CDK5RAP2: variants seen among roughly 807,000 people sequenced by gnomAD.
CDK5RAP2 encodes the protein CDK5 regulatory subunit-associated protein 2.
A neutral mutation model predicts 232.9 loss-of-function variants in CDK5RAP2; 147 were observed. The observed-to-expected ratio is 0.63, with a 90% CI of 0.55 to 0.72. The LOEUF is 0.72. CDK5RAP2 is among the 30% of genes least tolerant of loss of function. CDK5RAP2 has a pLI of 0.00. For missense variants in CDK5RAP2, 2,195 were observed against 2,231.5 expected, an observed-to-expected ratio of 0.98 and a Z score of 0.33; for synonymous variants, 833 against 833.7, an observed-to-expected ratio of 1.00 and a Z score of 0.01.
chr9:120,446,562 ACT>A (rs2036204412), intron 22 of CDK5RAP2, among the ~76,000 whole-genome samples: 1 of 151,812 alleles, frequency 6.6e-6, no homozygotes, highest in African/African-American at 2.4e-5. Flanking sequence ...TCAAATCACG[ACT>A]CTGCTGCTCA....
At position 120,518,527 on chromosome 9, in the gene CDK5RAP2, A is replaced by G; in HGVS notation, c.1211T>C (p.Ile404Thr). 1 of 1,613,458 alleles carries G rather than the reference A, an allele frequency of 6.2e-7. No individual in the cohort carries two copies. The highest frequency in any genetic ancestry group is 8.5e-7 in the Non-Finnish European group (1 of 1,179,904). ...CTGCAAGTCACTCAGCTCCTGGGTG[A>G]TCTTCTTAATGCTTCTACGCAGTCT... is the stretch of plus-strand genomic sequence containing the variant. ...NHRLRRSIKK[I>T]TQELSDLQQE... is the part of the protein sequence containing the mutation. The change falls in exon 12 of 38, where the codon ATC (isoleucine) becomes ACC (threonine). Residue 404 changes from isoleucine to threonine, a missense_variant. Transcript: ENST00000349780.
Position 120,411,373 on chromosome 9 carries a change from T to C in CDK5RAP2, c.4399A>G (p.Ile1467Val), listed in dbSNP as rs139924571. 118 of 1,595,152 alleles carry C rather than the reference T, an allele frequency of 7.4e-5. No individual in the cohort carries two copies. In the Admixed American group the frequency reaches 1.7e-3, roughly 23 times the overall value. The change falls in exon 29 of 38, where the codon ATT becomes GTT. Residue 1467 changes from isoleucine (I) to valine (V), a missense_variant. Physicochemically the swap from Ile to Val is conservative, Grantham distance 29. Coordinates refer to ENST00000349780, the MANE Select transcript of CDK5RAP2 (RefSeq NM_018249.6). ...KQNQALNAML[I>V]KGSRDKQKEN... ...TAACTCTTACCTCTGGATCCTTTAATGAGCATTGCATTGAGGGCCTGGTTC... is the reference window on the plus strand; with the variant it reads ...TAACTCTTACCTCTGGATCCTTTAACGAGCATTGCATTGAGGGCCTGGTTC...
chr9:120,424,866 A>AT (rs2034794070), intron 25 of CDK5RAP2, among the ~76,000 whole-genome samples: 2 of 151,698 alleles, frequency 1.3e-5, no homozygotes, highest in Non-Finnish European at 2.9e-5. Context: ...CCATCAGCTA[A>AT]TTTTTTTGTA....
chr9:120,397,838 T>C (rs2032653183), intron 35 of CDK5RAP2, among the ~76,000 whole-genome samples: 1 of 152,244 alleles, frequency 6.6e-6, no homozygotes. Context: ...TCAGAGTTCC[T>C]GATTCAGCAG....
intron 15 of CDK5RAP2, among the ~76,000 whole-genome samples, chr9:120,476,399 G>A (rs548979663): frequency 1.3e-5 from 2 of 152,168 alleles, no homozygotes; most frequent in East Asian, 1.9e-4. Context: ...ATCCCACTGT[G>A]TAGAGAGAGG....
intron 22 of CDK5RAP2, among the ~76,000 whole-genome samples, chr9:120,446,450 T>C (rs2036196178): frequency 6.6e-6 from 1 of 152,162 alleles, no homozygotes; most frequent in Non-Finnish European, 1.5e-5. Flanking sequence ...GGTCTCGAAC[T>C]CCTGACCTCA....
At chr9:120,424,859 T>C in intron 25 of CDK5RAP2, among the ~76,000 whole-genome samples, 1 of 151,862 alleles carries the variant, frequency 6.6e-6, no homozygotes, top group Non-Finnish European at 1.5e-5. Flanking sequence ...ACCACCACCA[T>C]CAGCTAATTT....
At chr9:120,402,126 TA>T (rs1281061981) in intron 34 of CDK5RAP2, among the ~76,000 whole-genome samples, 2 of 151,932 alleles carry the variant, frequency 1.3e-5, no homozygotes, top group East Asian at 3.9e-4. Context: ...ACCCTGTCTC[TA>T]AAAAAAATTT....
intron 22 of CDK5RAP2, among the ~76,000 whole-genome samples, chr9:120,446,152 G>A (rs114687074): frequency 1.3e-5 from 2 of 152,118 alleles, no homozygotes; most frequent in African/African-American, 4.8e-5. Context: ...AAAGCAAACA[G>A]AGACAATATG....
chr9:120,490,371 C>A (rs1179176805), intron 13 of CDK5RAP2, among the ~76,000 whole-genome samples: 13 of 152,246 alleles, frequency 8.5e-5, no homozygotes, highest in Admixed American at 8.5e-4. Flanking sequence ...TAAGTGGTCA[C>A]TCCTGCTTTC....
Position 120,394,275 on chromosome 9 carries a change from C to T in CDK5RAP2, c.5578+237G>A, listed in dbSNP as rs78961653. On this transcript the variant is annotated intron_variant, in intron 36 of 37. Coordinates refer to ENST00000349780, the MANE Select transcript of CDK5RAP2 (RefSeq NM_018249.6). Reference sequence around the variant, plus strand: ...TGTTCCCATCACTGCACATGCCACACGACTGTCTCCCAGTGAGACGACAGT... The same window carrying T: ...TGTTCCCATCACTGCACATGCCACATGACTGTCTCCCAGTGAGACGACAGT... 4.5e-4 allele frequency among the ~76,000 whole-genome samples: 68 copies of T among 152,314 alleles called. 1 individual carries two copies. Among genetic ancestry groups the T allele is most frequent in the African/African-American group, 1.5e-3 (62 of 41,574 alleles).
chr9:120,531,199 G>A (rs1420069175), intron 7 of CDK5RAP2, among the ~76,000 whole-genome samples: 1 of 151,904 alleles, frequency 6.6e-6, no homozygotes, highest in Non-Finnish European at 1.5e-5. Context: ...AAGCCAGACT[G>A]TTTCATGCCT....
chr9:120,535,245 A>T lies in CDK5RAP2; in HGVS notation c.662+1127T>A, dbSNP rs575880852. Among the ~76,000 whole-genome samples the T allele has an allele frequency of 6.6e-5, 10 of 152,338 alleles. 1 individual carries two copies. The South Asian group carries it at 8.3e-4, about 13-fold the overall frequency. On this transcript the variant is annotated intron_variant, in intron 7 of 37. Transcript: ENST00000349780. ...GAAGCTAGGGCACTTACATGGAGGC[A>T]TGGGCTCTCCCTCTGGGTCTATTTA...
chr9:120,470,243 A>AG (rs776496029), intron 16 of CDK5RAP2, 23 bp from the exon 17 acceptor site: 2 of 1,165,326 alleles, frequency 1.7e-6, no homozygotes, highest in Non-Finnish European at 1.2e-6. Flanking sequence ...GAAAAAAAAA[A>AG]GGTGGGGAGG....
rs1176711242 is a variant in CDK5RAP2 at position 120,528,788 on chromosome 9, T to C, written c.835A>G (p.Met279Val). The change falls in exon 9 of 38, where the codon ATG (methionine) becomes GTG (valine). Residue 279 changes from methionine to valine, a missense_variant. Transcript: ENST00000349780. ...EKERETEAAQ[M>V]EHQKERNSFE... Reference sequence around the variant, plus strand: ...CTGTTTCTCTCCTTCTGATGCTCCATTTGTGCAGCCTAAGAAAAGGCATTA... The same window carrying C: ...CTGTTTCTCTCCTTCTGATGCTCCACTTGTGCAGCCTAAGAAAAGGCATTA... The C allele has an allele frequency of 2.5e-6, 4 of 1,609,614 alleles. No individual in the cohort carries two copies. Among genetic ancestry groups the C allele is most frequent in the Admixed American group, 3.3e-5 (2 of 59,998 alleles).
intron 2 of CDK5RAP2, among the ~76,000 whole-genome samples, chr9:120,569,963 A>ATGAAG (rs1168724655): frequency 1.3e-5 from 2 of 152,140 alleles, no homozygotes; most frequent in Non-Finnish European, 2.9e-5. Flanking sequence ...ATGAGATGAG[A>ATGAAG]TGAAGTGAAA....
intron 2 of CDK5RAP2, among the ~76,000 whole-genome samples, chr9:120,569,738 A>T: frequency 6.6e-6 from 1 of 152,178 alleles, no homozygotes; most frequent in East Asian, 1.9e-4. Context: ...AAGGAGTAAG[A>T]TGATTCGACT....
At chr9:120,408,159 CCTT>C in intron 31 of CDK5RAP2, 185 bp downstream of exon 31, 1 of 727,934 alleles carries the variant, frequency 1.4e-6, no homozygotes, top group Non-Finnish European at 2.4e-6. Flanking sequence ...GAGCCTCAGT[CCTT>C]CTATGTTTCC....
intron 13 of CDK5RAP2, 82 bp downstream of exon 13, chr9:120,491,225 T>A: frequency 5.6e-6 from 6 of 1,072,220 alleles, no homozygotes; most frequent in Non-Finnish European, 8.5e-6. Flanking sequence ...ACTGTAATCA[T>A]AAATATTTCT....
Sources: allele counts gnomAD v4.1 joint callset (sites outside exome capture counted in the v4.1 genomes callset), GRCh38; gene constraint gnomAD v4.1.1; transcripts MANE v1.5; gene names NCBI Gene and HGNC (gene_info 2026-07-23, HGNC 2026-07-21).